The following CDH10 variants were observed in gnomAD, a reference collection of about 807,000 sequenced individuals.
CDH10 encodes cadherin-10.
Under a neutral mutation model 73.1 loss-of-function variants are expected in CDH10, and 30 were observed. That is an observed-to-expected ratio of 0.41 (90% CI 0.31 to 0.56). The LOEUF (loss-of-function observed/expected upper bound fraction) is 0.56. Ranked by LOEUF, CDH10 falls within the 20% of genes least tolerant of loss-of-function variation. The probability of loss-of-function intolerance (pLI) is 0.27; values close to 1 mark genes in which losing one functional copy is unlikely to be tolerated. For missense variants in CDH10, 815 were observed against 973.7 expected (o/e 0.84, Z 2.17); for synonymous variants, 345 against 348.2 (o/e 0.99, Z 0.10).
At chr5:24,601,618 G>A (rs998900459) in intron 1 of CDH10, among the ~76,000 whole-genome samples, 1 of 151,826 alleles carries the variant, frequency 6.6e-6, no homozygotes, top group Admixed American at 6.6e-5. Context: ...AAAATGTGTG[G>A]GATATCTAAA....
chr5:24,580,351 A>G (rs1287216965), intron 2 of CDH10, among the ~76,000 whole-genome samples: 1 of 152,168 alleles, frequency 6.6e-6, no homozygotes, highest in Non-Finnish European at 1.5e-5. Flanking sequence ...TGGCAAAGTT[A>G]TATTAACCAT....
At chr5:24,583,798 C>T (rs1745883407) in intron 2 of CDH10, among the ~76,000 whole-genome samples, 2 of 152,286 alleles carry the variant, frequency 1.3e-5, no homozygotes, top group South Asian at 2.1e-4. Flanking sequence ...GCATGTGCCA[C>T]CAAGCCCAGC....
chr5:24,635,082 T>C (rs1446183412), intron 1 of CDH10, among the ~76,000 whole-genome samples: 1 of 151,724 alleles, frequency 6.6e-6, no homozygotes, highest in Non-Finnish European at 1.5e-5. Context: ...AAGAATGATC[T>C]AAATAAAACC....
chr5:24,607,543 G>T (rs7719252), intron 1 of CDH10, among the ~76,000 whole-genome samples: 3 of 151,904 alleles, frequency 2.0e-5, no homozygotes, highest in Non-Finnish European at 2.9e-5. Context: ...TGACTTATAC[G>T]CTAAGCTTAC....
At chr5:24,624,115 ACT>A (rs985145183) in intron 1 of CDH10, among the ~76,000 whole-genome samples, 2 of 152,090 alleles carry the variant, frequency 1.3e-5, no homozygotes, top group South Asian at 2.1e-4. Context: ...AGAGAAAAAG[ACT>A]CTGTCATCAA....
intron 1 of CDH10, among the ~76,000 whole-genome samples, chr5:24,595,676 T>C (rs540011568): frequency 7.2e-5 from 11 of 152,084 alleles, no homozygotes; most frequent in African/African-American, 2.6e-4. Context: ...GGAGAGTTTG[T>C]GTAAGTGAGG....
At chr5:24,625,813 T>C (rs1442587509) in intron 1 of CDH10, among the ~76,000 whole-genome samples, 2 of 151,650 alleles carry the variant, frequency 1.3e-5, no homozygotes, top group Non-Finnish European at 2.9e-5. Context: ...ACAAAATTCA[T>C]TACATTTTTA....
intron 10 of CDH10, 55 bp from the exon 11 acceptor site, chr5:24,491,882 T>C (rs1384896782): frequency 9.0e-7 from 1 of 1,109,868 alleles, no homozygotes; most frequent in African/African-American, 1.6e-5. Flanking sequence ...TTTTTCCCAA[T>C]GTGATCACCA....
At chr5:24,638,778 A>G (rs1349809661) in intron 1 of CDH10, among the ~76,000 whole-genome samples, 2 of 151,892 alleles carry the variant, frequency 1.3e-5, no homozygotes, top group East Asian at 3.9e-4. Context: ...AATATATTAT[A>G]GTTGACTAAG....
At chr5:24,631,410 T>C (rs978484147) in intron 1 of CDH10, among the ~76,000 whole-genome samples, 3 of 151,986 alleles carry the variant, frequency 2.0e-5, no homozygotes, top group Admixed American at 1.3e-4. Context: ...TATCACTGAA[T>C]GGATAATTGT....
chr5:24,591,494 T>C (rs939320473), intron 2 of CDH10, among the ~76,000 whole-genome samples: 1 of 151,946 alleles, frequency 6.6e-6, no homozygotes. Flanking sequence ...TTTGTTTTCA[T>C]AAAGCAGAGT....
At chr5:24,517,539 A>G (rs1743153909) in intron 5 of CDH10, among the ~76,000 whole-genome samples, 1 of 151,894 alleles carries the variant, frequency 6.6e-6, no homozygotes, top group South Asian at 2.1e-4. Flanking sequence ...AATCAATAGG[A>G]GAATAATAAT....
intron 1 of CDH10, among the ~76,000 whole-genome samples, chr5:24,604,831 C>T (rs1746694021): frequency 7.0e-6 from 1 of 143,066 alleles, no homozygotes; most frequent in East Asian, 2.1e-4. Flanking sequence ...CGAGGTCAAG[C>T]CATTGCAGTC....
At position 24,532,893 on chromosome 5, in the gene CDH10, A is replaced by G. The variant is rs186611490; in HGVS notation, c.814+2219T>C. On this transcript the variant is annotated intron_variant, in intron 5 of 11. Coordinates refer to ENST00000264463, the MANE Select transcript of CDH10 (RefSeq NM_006727.5). ...ATGCTACATATGAAAGGCTTCATGA[A>G]CTGTAGAACTCCCTCCAAAGATTGT... Among the ~76,000 whole-genome samples the G allele has an allele frequency of 7.2e-5, 11 of 152,196 alleles. No homozygotes were observed. The East Asian group carries it at 1.9e-3, about 27-fold the overall frequency.
chr5:24,520,356 G>GA (rs1326867348), intron 5 of CDH10, among the ~76,000 whole-genome samples: 5 of 152,036 alleles, frequency 3.3e-5, no homozygotes, highest in African/African-American at 9.7e-5. Flanking sequence ...ATCATTGAGT[G>GA]AAAAAAAGCA....
At chr5:24,526,062 G>C (rs1240558033) in intron 5 of CDH10, among the ~76,000 whole-genome samples, 3 of 151,998 alleles carry the variant, frequency 2.0e-5, no homozygotes, top group Non-Finnish European at 2.9e-5. Flanking sequence ...GATCTCACCT[G>C]AAATTGTAAG....
intron 2 of CDH10, among the ~76,000 whole-genome samples, chr5:24,553,169 T>C (rs559196395): frequency 3.9e-5 from 6 of 152,294 alleles, no homozygotes; most frequent in African/African-American, 7.2e-5. Flanking sequence ...AAGAAATATG[T>C]AGTCCTTCTG....
rs115546695 is a variant in CDH10 at position 24,629,716 on chromosome 5, A to T, written c.-124+14878T>A. 1.5e-3 allele frequency among the ~76,000 whole-genome samples: 233 copies of T among 152,174 alleles called. 1 individual carries two copies. The highest frequency in any genetic ancestry group is 2.8e-3 in the Non-Finnish European group (191 of 68,000). On this transcript the variant is annotated intron_variant, in intron 1 of 11. Transcript: ENST00000264463. ...GGGGCTCTTCCCTCTTTGTTCCTTC[A>T]CAGGCTCTCTTGCCTGCTGCCATGT...
intron 8 of CDH10, among the ~76,000 whole-genome samples, chr5:24,499,165 A>C (rs144748755): frequency 1.3e-5 from 2 of 152,228 alleles, no homozygotes; most frequent in African/African-American, 4.8e-5. Flanking sequence ...AAATTTTATT[A>C]TATGGCTACT....
Sources: allele counts gnomAD v4.1 joint callset (sites outside exome capture counted in the v4.1 genomes callset), GRCh38; gene constraint gnomAD v4.1.1; transcripts MANE v1.5; gene names NCBI Gene and HGNC (gene_info 2026-07-23, HGNC 2026-07-21).